Variants in THADA observed in about 807,000 individuals in gnomAD.
THADA encodes tRNA (32-2'-O)-methyltransferase regulator THADA.
THADA carries 213 observed loss-of-function variants against 219.8 expected under a neutral mutation model. The ratio of observed to expected loss-of-function variants is 0.97; its 90% CI spans 0.87 to 1.09. The LOEUF is 1.09. THADA is among the 50% of genes least tolerant of loss of function. The pLI is 0.00. For missense variants in THADA, 2,956 were observed against 2,311.3 expected (o/e 1.28, Z -5.72); for synonymous variants, 1,018 against 828.9 (o/e 1.23, Z -3.92).
chr2:43,256,699 C>T (rs1670350501), intron 36 of THADA, among the ~76,000 whole-genome samples: 1 of 151,752 alleles, frequency 6.6e-6, no homozygotes, highest in South Asian at 2.1e-4. Context: ...CTCCCTCAGA[C>T]TCTTGAGTAG....
chr2:43,506,725 A>C (rs1046126797), intron 23 of THADA, among the ~76,000 whole-genome samples: 1 of 152,192 alleles, frequency 6.6e-6, no homozygotes, highest in Non-Finnish European at 1.5e-5. Flanking sequence ...ATAGTATGTG[A>C]ATTACATCTC....
intron 26 of THADA, among the ~76,000 whole-genome samples, chr2:43,435,017 C>A (rs574468572): frequency 4.8e-4 from 73 of 152,308 alleles, no homozygotes; most frequent in Admixed American, 8.5e-4. Flanking sequence ...AGCAGCTGGG[C>A]GCTAAGAAGC....
intron 29 of THADA, among the ~76,000 whole-genome samples, chr2:43,386,117 A>G (rs1419021494): frequency 6.6e-6 from 1 of 152,168 alleles, no homozygotes; most frequent in African/African-American, 2.4e-5. Flanking sequence ...GTACCAGTTC[A>G]AGACTATAAC....
intron 21 of THADA, among the ~76,000 whole-genome samples, chr2:43,538,092 A>G (rs749172819): frequency 6.6e-6 from 1 of 152,176 alleles, no homozygotes; most frequent in Non-Finnish European, 1.5e-5. Context: ...TTTTAAGAAT[A>G]TTAGGGAAAT....
chr2:43,421,743 A>G (rs1217669851), intron 28 of THADA, among the ~76,000 whole-genome samples: 1 of 152,212 alleles, frequency 6.6e-6, no homozygotes, highest in Non-Finnish European at 1.5e-5. Context: ...ATAACATCTC[A>G]TAGGCCAAAA....
chr2:43,324,566 C>G (rs527412012), intron 30 of THADA, among the ~76,000 whole-genome samples: 107 of 152,352 alleles, frequency 7.0e-4, no homozygotes, highest in African/African-American at 2.5e-3. Context: ...TTATAACATC[C>G]CTGTCTGGAG....
intron 29 of THADA, among the ~76,000 whole-genome samples, chr2:43,354,108 A>C (rs1668603143): frequency 6.6e-6 from 1 of 151,914 alleles, no homozygotes; most frequent in African/African-American, 2.4e-5. Context: ...GGAGTGAGCC[A>C]CTGCGCCCGG....
intron 25 of THADA, among the ~76,000 whole-genome samples, chr2:43,489,411 T>C (rs1310606504): frequency 6.6e-6 from 1 of 152,156 alleles, no homozygotes; most frequent in Admixed American, 6.5e-5. Context: ...AATTTATCAA[T>C]TTTTGTATTG....
At chr2:43,232,935 C>T in intron 36 of THADA, 53 bp from the exon 37 acceptor site, 1 of 1,538,352 alleles carries the variant, frequency 6.5e-7, no homozygotes, top group Middle Eastern at 2.1e-4. Flanking sequence ...GGGCCGACCC[C>T]AGGGCAGCCT....
chr2:43,350,084 C>T (rs975565987), intron 29 of THADA, among the ~76,000 whole-genome samples: 2 of 152,170 alleles, frequency 1.3e-5, no homozygotes, highest in African/African-American at 4.8e-5. Flanking sequence ...AGGGTGATGT[C>T]AGGCCCCCTT....
chr2:43,468,364 G>C (rs1403357389), intron 26 of THADA, among the ~76,000 whole-genome samples: 3 of 152,198 alleles, frequency 2.0e-5, no homozygotes, highest in Non-Finnish European at 4.4e-5. Context: ...ACACTATATG[G>C]AAAAGTGAAA....
chr2:43,259,194 G>A (rs1670668131), intron 36 of THADA, among the ~76,000 whole-genome samples: 1 of 152,174 alleles, frequency 6.6e-6, no homozygotes. Flanking sequence ...TTGCTGAAGA[G>A]GACCCAAAGT....
intron 29 of THADA, among the ~76,000 whole-genome samples, chr2:43,352,644 T>A (rs1215800835): frequency 3.9e-5 from 6 of 152,130 alleles, no homozygotes; most frequent in Middle Eastern, 3.4e-3. Context: ...TGTGTATATT[T>A]AAGGTATAGA....
intron 28 of THADA, among the ~76,000 whole-genome samples, chr2:43,427,764 G>A (rs1375896633): frequency 6.7e-6 from 1 of 149,576 alleles, no homozygotes; most frequent in Non-Finnish European, 1.5e-5. Context: ...AGACCATTCT[G>A]GCTAACACAG....
Position 43,551,842 on chromosome 2 carries a change from G to C in THADA, c.2894C>G (p.Pro965Arg), listed in dbSNP as rs200421679. 3.7e-5 allele frequency: 59 copies of C among 1,613,782 alleles called. 1 individual carries two copies. The South Asian group carries it at 4.9e-4, about 14-fold the overall frequency. The change falls in exon 19 of 38, where the codon CCA becomes CGA. Residue 965 changes from proline (P) to arginine (R), a missense_variant. By Grantham distance (103) the Pro-to-Arg change is moderately radical (BLOSUM62 -2). Coordinates refer to ENST00000405975, the MANE Select transcript of THADA (RefSeq NM_022065.5). ...MSYRLSTVVSPVIQSSSPEGL... is the reference protein window; with the variant it reads ...MSYRLSTVVSRVIQSSSPEGL... ...TTCAGGGGATGAGCTCTGAATGACT[G>C]GAGACACCACAGTGGAAAGCCTGTA...
chr2:43,275,209 T>C (rs1036284773), intron 36 of THADA, among the ~76,000 whole-genome samples: 1 of 152,138 alleles, frequency 6.6e-6, no homozygotes, highest in Non-Finnish European at 1.5e-5. Flanking sequence ...TTCACCATGT[T>C]GGCCAGGCTG....
chr2:43,530,333 G>A (rs1693704951), intron 21 of THADA, among the ~76,000 whole-genome samples: 1 of 152,132 alleles, frequency 6.6e-6, no homozygotes. Flanking sequence ...TAATTTCAGA[G>A]CATTGTTTGA....
intron 1 of THADA, among the ~76,000 whole-genome samples, chr2:43,594,382 C>T (rs555616084): frequency 8.5e-5 from 13 of 152,108 alleles, no homozygotes; most frequent in Admixed American, 7.9e-4. Context: ...GAGTTCAAGA[C>T]CAGCCTGGCC....
chr2:43,365,722 TAG>T (rs1670067849), intron 29 of THADA, among the ~76,000 whole-genome samples: 2 of 152,026 alleles, frequency 1.3e-5, no homozygotes, highest in Admixed American at 6.5e-5. Context: ...ACCAGTAGAT[TAG>T]AAGGCAAGTT....
Sources: gnomAD v4.1 joint callset for allele counts (sites outside exome capture counted in the v4.1 genomes callset) on GRCh38, gnomAD v4.1.1 for gene constraint, MANE v1.5 for transcripts, NCBI Gene and HGNC (gene_info 2026-07-23, HGNC 2026-07-21) for gene names.